CAMK1D: variants seen among roughly 807,000 people sequenced by gnomAD.
CAMK1D encodes the protein calcium/calmodulin dependent protein kinase ID.
CAMK1D carries 9 observed loss-of-function variants against 47.7 expected under a neutral mutation model. The observed-to-expected ratio is 0.19, with a 90% CI of 0.11 to 0.33. The LOEUF is 0.33. CAMK1D is among the 10% of genes least tolerant of loss of function. CAMK1D has a pLI of 1.00. For missense variants in CAMK1D, 291 were observed against 488.7 expected (o/e 0.60, Z 3.81); for synonymous variants, 184 against 184.9 (o/e 0.99, Z 0.04).
Position 12,828,842 on chromosome 10 carries a change from A to G in CAMK1D, c.1113A>G (p.Arg371=), listed in dbSNP as rs900692488. 1 of 1,613,260 alleles carries G rather than the reference A, an allele frequency of 6.2e-7. No individual in the cohort carries two copies. Among genetic ancestry groups the G allele is most frequent in the Non-Finnish European group, 8.5e-7 (1 of 1,179,768 alleles). ...TCTCAGGAGTTGGAGCCGAGCGGAG[A>G]CCCAGGCCCACCACTGTGACGGCAG... is the stretch of plus-strand genomic sequence containing the variant. ...SGVSGVGAER[R]PRPTTVTAVH... Residue 371 remains arginine (R), a synonymous_variant, in exon 11 of 11, where the codon AGA becomes AGG. Coordinates refer to ENST00000619168, the MANE Select transcript of CAMK1D (RefSeq NM_153498.4).
intron 2 of CAMK1D, among the ~76,000 whole-genome samples, chr10:12,609,877 G>A (rs1838570568): frequency 6.6e-6 from 1 of 152,080 alleles, no homozygotes; most frequent in Non-Finnish European, 1.5e-5. Flanking sequence ...CAAGAGGGAG[G>A]GAAAGATCAG....
intron 2 of CAMK1D, among the ~76,000 whole-genome samples, chr10:12,577,548 A>G (rs1463728818): frequency 1.3e-5 from 2 of 152,246 alleles, no homozygotes; most frequent in Admixed American, 6.5e-5. Flanking sequence ...CATTATTACT[A>G]TATCATGGCT....
intron 2 of CAMK1D, among the ~76,000 whole-genome samples, chr10:12,656,569 G>C (rs769808358): frequency 1.1e-4 from 17 of 152,258 alleles, no homozygotes; most frequent in South Asian, 4.1e-4. Flanking sequence ...TGTTTATAAG[G>C]ATTCAAGGAA....
chr10:12,547,009 A>C (rs1189705494), intron 1 of CAMK1D, among the ~76,000 whole-genome samples: 2 of 152,204 alleles, frequency 1.3e-5, no homozygotes, highest in East Asian at 3.8e-4. Context: ...AAAGGACCAG[A>C]AGGGGCTCAG....
At chr10:12,754,786 C>T (rs1457272767) in intron 3 of CAMK1D, among the ~76,000 whole-genome samples, 1 of 152,202 alleles carries the variant, frequency 6.6e-6, no homozygotes, top group Non-Finnish European at 1.5e-5. Context: ...CCCAGTGTCT[C>T]TTCCTCTTTG....
chr10:12,816,755 C>T (rs1832811673), intron 8 of CAMK1D, among the ~76,000 whole-genome samples: 1 of 151,610 alleles, frequency 6.6e-6, no homozygotes, highest in African/African-American at 2.4e-5. Flanking sequence ...GCCTGTAATC[C>T]CAGCTACTCG....
At chr10:12,715,724 CTT>C (rs34313574) in intron 3 of CAMK1D, among the ~76,000 whole-genome samples, 84 of 128,642 alleles carry the variant, frequency 6.5e-4, no homozygotes, top group African/African-American at 1.8e-3. Flanking sequence ...TGGCATTTGC[CTT>C]TTTTTTTTTT....
intron 1 of CAMK1D, among the ~76,000 whole-genome samples, chr10:12,387,203 CAAA>C (rs1252530894): frequency 4.9e-5 from 5 of 101,916 alleles, no homozygotes; most frequent in Admixed American, 1.0e-4. Flanking sequence ...GACTCCATCT[CAAA>C]AAAAAAAAAA....
intron 2 of CAMK1D, among the ~76,000 whole-genome samples, chr10:12,572,196 G>A (rs1837349945): frequency 6.6e-6 from 1 of 152,036 alleles, no homozygotes; most frequent in Non-Finnish European, 1.5e-5. Context: ...ATCTCTAATT[G>A]TAATCCCCAT....
intron 1 of CAMK1D, among the ~76,000 whole-genome samples, chr10:12,434,347 A>G (rs1322547999): frequency 7.9e-5 from 12 of 152,128 alleles, no homozygotes; most frequent in Non-Finnish European, 1.8e-4. Context: ...CTCCTCTGTA[A>G]ACGAGTGCCC....
intron 2 of CAMK1D, among the ~76,000 whole-genome samples, chr10:12,642,439 A>G (rs1338201395): frequency 1.3e-5 from 2 of 152,194 alleles, no homozygotes; most frequent in Non-Finnish European, 2.9e-5. Context: ...ACCACACACC[A>G]AGGCTGCTGA....
chr10:12,474,110 G>GGAGTCA (rs969162834), intron 1 of CAMK1D, among the ~76,000 whole-genome samples: 3 of 152,100 alleles, frequency 2.0e-5, no homozygotes, highest in African/African-American at 7.2e-5. Flanking sequence ...AGTGCCTTTG[G>GGAGTCA]GAGTCAGAGG....
At chr10:12,462,632 GA>G (rs1328164332) in intron 1 of CAMK1D, among the ~76,000 whole-genome samples, 13 of 152,216 alleles carry the variant, frequency 8.5e-5, no homozygotes, top group African/African-American at 3.1e-4. Context: ...TATTAAACAT[GA>G]GAAGGGTCAG....
chr10:12,484,988 C>T (rs1834170773), intron 1 of CAMK1D, among the ~76,000 whole-genome samples: 1 of 152,160 alleles, frequency 6.6e-6, no homozygotes, highest in African/African-American at 2.4e-5. Flanking sequence ...CACCGATTAC[C>T]ATCTGGTGTG....
chr10:12,717,718 T>G (rs1834202295), intron 3 of CAMK1D, among the ~76,000 whole-genome samples: 2 of 108,412 alleles, frequency 1.8e-5, no homozygotes, highest in African/African-American at 4.3e-5. Context: ...AGGCTTTGTC[T>G]CTACAAAAAA....
intron 1 of CAMK1D, among the ~76,000 whole-genome samples, chr10:12,353,703 C>T (rs1243798053): frequency 1.3e-5 from 2 of 152,074 alleles, no homozygotes; most frequent in African/African-American, 4.8e-5. Flanking sequence ...TTCAGTGCAG[C>T]CTCCTACAAA....
At chr10:12,702,288 G>A (rs570144376) in intron 3 of CAMK1D, among the ~76,000 whole-genome samples, 1 of 152,320 alleles carries the variant, frequency 6.6e-6, no homozygotes, top group African/African-American at 2.4e-5. Flanking sequence ...AGGAGGTGAG[G>A]TTGTTGGAAA....
chr10:12,554,883 T>C (rs892509893), intron 2 of CAMK1D, among the ~76,000 whole-genome samples: 2 of 152,060 alleles, frequency 1.3e-5, no homozygotes, highest in African/African-American at 4.8e-5. Context: ...ATCCCAGCGA[T>C]GTTCTTTCAT....
chr10:12,776,652 C>G (rs915740635), intron 5 of CAMK1D, among the ~76,000 whole-genome samples: 1 of 152,122 alleles, frequency 6.6e-6, no homozygotes, highest in Non-Finnish European at 1.5e-5. Flanking sequence ...TCATTAACAT[C>G]GATTCACAGC....
Sources: gnomAD v4.1 joint callset for allele counts (sites outside exome capture counted in the v4.1 genomes callset) on GRCh38, gnomAD v4.1.1 for gene constraint, MANE v1.5 for transcripts, NCBI Gene and HGNC (gene_info 2026-07-23, HGNC 2026-07-21) for gene names.